The following WDR7 variants were observed in gnomAD, a reference collection of about 807,000 sequenced individuals.
WDR7 encodes WD repeat domain 7.
WDR7 carries 46 observed loss-of-function variants against 169.4 expected under a neutral mutation model. The ratio of observed to expected loss-of-function variants is 0.27; its 90% confidence interval spans 0.21 to 0.35. The LOEUF is 0.35. Ranked by LOEUF, WDR7 falls within the 10% of genes least tolerant of loss-of-function variation. The probability of loss-of-function intolerance (pLI) is 1.00; values close to 1 mark genes in which losing one functional copy is unlikely to be tolerated. For synonymous variants in WDR7, 612 were observed against 666.8 expected (o/e 0.92, Z 1.27); for missense variants, 1,534 against 1,859.3 (o/e 0.83, Z 3.22).
intron 7 of WDR7, among the ~76,000 whole-genome samples, chr18:56,688,654 G>A (rs968927457): frequency 2.6e-5 from 4 of 151,890 alleles, no homozygotes; most frequent in Admixed American, 2.0e-4. Context: ...ACTTGAGCCC[G>A]GGAGGCAGAG....
At chr18:56,963,060 C>T (rs996370979) in intron 26 of WDR7, among the ~76,000 whole-genome samples, 1 of 152,110 alleles carries the variant, frequency 6.6e-6, no homozygotes, top group Admixed American at 6.6e-5. Context: ...GCTTTTATAA[C>T]ACTTCACTGT....
chr18:56,828,946 C>A (rs1465363709), intron 20 of WDR7, among the ~76,000 whole-genome samples: 1 of 151,692 alleles, frequency 6.6e-6, no homozygotes, highest in Non-Finnish European at 1.5e-5. Flanking sequence ...TTTATATAAA[C>A]CTTATAAAAC....
chr18:56,726,025 GATATCA>G (rs1406491378), intron 13 of WDR7, among the ~76,000 whole-genome samples: 2 of 152,040 alleles, frequency 1.3e-5, no homozygotes, highest in Non-Finnish European at 2.9e-5. Context: ...TGTCTGTTTT[GATATCA>G]GTACCATGCT....
intron 1 of WDR7, among the ~76,000 whole-genome samples, chr18:56,659,933 T>G (rs1467428505): frequency 6.6e-6 from 1 of 152,040 alleles, no homozygotes; most frequent in Non-Finnish European, 1.5e-5. Flanking sequence ...GGGAGACCAG[T>G]TAGAGGGCTG....
rs140171133 is a variant in WDR7 at position 56,828,251 on chromosome 18, A to G, written c.3304+12107A>G. 3.9e-5 allele frequency among the ~76,000 whole-genome samples: 6 copies of G among 152,340 alleles called. No individual in the cohort carries two copies. In the East Asian group the frequency reaches 1.2e-3, roughly 29 times the overall value. On this transcript the variant is annotated intron_variant, in intron 20 of 27. Transcript: ENST00000254442. ...ATATTGATAAATTATATTTTCTTAA[A>G]CACTTTTATATTGATTTCTTTTATC...
intron 25 of WDR7, among the ~76,000 whole-genome samples, chr18:56,961,275 C>G (rs891682302): frequency 6.6e-6 from 1 of 151,954 alleles, no homozygotes; most frequent in African/African-American, 2.4e-5. Context: ...TGTCCCATGC[C>G]CTGGTATATC....
At chr18:57,034,584 A>C (rs1246631933), downstream of WDR7, 1 of 152,248 alleles carries the variant, frequency 6.6e-6, no homozygotes, top group Non-Finnish European at 1.5e-5. Flanking sequence ...GCTTGGCTGC[A>C]CAATTGTTAA....
At chr18:56,670,621 C>T (rs2025112789) in intron 1 of WDR7, among the ~76,000 whole-genome samples, 1 of 152,060 alleles carries the variant, frequency 6.6e-6, no homozygotes, top group Non-Finnish European at 1.5e-5. Flanking sequence ...AGTGATTCTC[C>T]TGCCTTAGCC....
At chr18:56,720,881 A>AT (rs2026306135) in intron 13 of WDR7, among the ~76,000 whole-genome samples, 1 of 152,162 alleles carries the variant, frequency 6.6e-6, no homozygotes, top group Admixed American at 6.5e-5. Context: ...GATAAATGCT[A>AT]TAGAGAAGCT....
intron 19 of WDR7, among the ~76,000 whole-genome samples, chr18:56,802,240 G>A (rs1568203362): frequency 6.6e-6 from 1 of 151,008 alleles, no homozygotes; most frequent in Non-Finnish European, 1.5e-5. Flanking sequence ...ATGATTATTT[G>A]CCATCCATAT....
intron 21 of WDR7, among the ~76,000 whole-genome samples, chr18:56,915,645 A>C (rs1397040030): frequency 1.3e-5 from 2 of 152,194 alleles, no homozygotes; most frequent in Admixed American, 6.5e-5. Context: ...AAAGCCCGAG[A>C]AAGTAGTTAT....
intron 20 of WDR7, among the ~76,000 whole-genome samples, chr18:56,837,646 G>A (rs141301286): frequency 7.9e-4 from 121 of 152,216 alleles, no homozygotes; most frequent in African/African-American, 2.8e-3. Context: ...GCATTTTATA[G>A]TGAATAATTT....
intron 1 of WDR7, among the ~76,000 whole-genome samples, chr18:56,667,487 G>A (rs1045394347): frequency 2.0e-5 from 3 of 151,930 alleles, no homozygotes; most frequent in East Asian, 3.9e-4. Context: ...TTACAATGTG[G>A]CCCAACTGAA....
intron 16 of WDR7, among the ~76,000 whole-genome samples, chr18:56,772,957 C>A (rs572180001): frequency 2.0e-5 from 3 of 152,124 alleles, no homozygotes; most frequent in African/African-American, 7.2e-5. Flanking sequence ...CTATCAGAAG[C>A]CATACTTGGG....
chr18:56,847,715 C>T (rs892072652), intron 20 of WDR7, among the ~76,000 whole-genome samples: 6 of 152,208 alleles, frequency 3.9e-5, no homozygotes, highest in African/African-American at 9.6e-5. Flanking sequence ...ATCCCAGCCA[C>T]GCCAGCTCCA....
chr18:56,654,136 C>T (rs559455958), intron 1 of WDR7, among the ~76,000 whole-genome samples: 1 of 152,032 alleles, frequency 6.6e-6, no homozygotes, highest in East Asian at 1.9e-4. Context: ...TGAATCTGAG[C>T]ATTTCTTTTT....
chr18:56,811,678 G>T (rs1345642631), intron 19 of WDR7, among the ~76,000 whole-genome samples: 5 of 152,020 alleles, frequency 3.3e-5, no homozygotes, highest in Non-Finnish European at 7.4e-5. Flanking sequence ...CTTAGATCAA[G>T]GTTCATTTTT....
rs200086580 is a variant in WDR7, at chr18:56,842,964, C to CT, written c.3304+26829dup. Among the ~76,000 whole-genome samples the CT allele has an allele frequency of 8.6e-3, 1,306 of 151,208 alleles. 21 individuals carry two copies. The highest frequency in any genetic ancestry group is 0.027 in the African/African-American group (1,112 of 41,266). Reference sequence around the variant, plus strand: ...AATTAACCTGCTGCCTATTGCTTCTCTTTTTTTTTGGCATTTGATGTTGTT... The same window carrying CT: ...AATTAACCTGCTGCCTATTGCTTCTCTTTTTTTTTTGGCATTTGATGTTGTT... On this transcript the variant is annotated intron_variant, in intron 20 of 27. Transcript: ENST00000254442.
chr18:56,999,857 ACCCAAGG>A (rs1048920759), intron 26 of WDR7, among the ~76,000 whole-genome samples: 24 of 152,064 alleles, frequency 1.6e-4, no homozygotes, highest in Admixed American at 7.2e-4. Context: ...AGAACGGACC[ACCCAAGG>A]CCTTGTCAAG....
Sources: gnomAD v4.1 joint callset for allele counts (sites outside exome capture counted in the v4.1 genomes callset) on GRCh38, gnomAD v4.1.1 for gene constraint, MANE v1.5 for transcripts, NCBI Gene and HGNC (gene_info 2026-07-23, HGNC 2026-07-21) for gene names.